FRMD3: variants seen among roughly 807,000 people sequenced by gnomAD.
FRMD3 encodes FERM domain-containing protein 3.
In FRMD3, 33 loss-of-function variants were observed where a neutral mutation model predicts 70.2. That is an observed-to-expected ratio of 0.47 (90% CI 0.36 to 0.63). The LOEUF is 0.63. FRMD3 is among the 20% of genes least tolerant of loss of function. The pLI is 0.00. For synonymous variants in FRMD3, 279 were observed against 255.9 expected, an observed-to-expected ratio of 1.09 and a Z score of -0.86; for missense variants, 632 against 711.4, an observed-to-expected ratio of 0.89 and a Z score of 1.27.
At chr9:83,378,413 G>T (rs1355591111) in intron 2 of FRMD3, among the ~76,000 whole-genome samples, 2 of 146,386 alleles carry the variant, frequency 1.4e-5, no homozygotes, top group Non-Finnish European at 3.0e-5. Context: ...GAGTATCTGG[G>T]ACTACAGGTG....
At chr9:83,568,126 A>G in the FRMD3 span, among the ~76,000 whole-genome samples, 4 of 152,354 alleles carry the variant, frequency 2.6e-5, no homozygotes, top group East Asian at 5.8e-4. Context: ...CATTTCTTAC[A>G]TGGCAGCAGC....
At chr9:83,452,299 G>A (rs563874451) in intron 1 of FRMD3, among the ~76,000 whole-genome samples, 1 of 152,284 alleles carries the variant, frequency 6.6e-6, no homozygotes, top group South Asian at 2.1e-4. Context: ...CAAGCATGGT[G>A]ATTGGGTGCT....
the FRMD3 span, among the ~76,000 whole-genome samples, chr9:83,547,081 AAC>A: frequency 6.6e-6 from 1 of 151,392 alleles, no homozygotes; most frequent in African/African-American, 2.4e-5. Flanking sequence ...TATTAGATAA[AAC>A]ACACTTTAAA....
At chr9:83,440,294 G>T (rs1254763041) in intron 1 of FRMD3, among the ~76,000 whole-genome samples, 5 of 152,210 alleles carry the variant, frequency 3.3e-5, no homozygotes, top group Non-Finnish European at 5.9e-5. Flanking sequence ...AGCTCCCCTT[G>T]TAAATACAAA....
chr9:83,275,305 T>C (rs972370676), intron 13 of FRMD3, among the ~76,000 whole-genome samples: 1 of 152,190 alleles, frequency 6.6e-6, no homozygotes, highest in Admixed American at 6.5e-5. Context: ...CAAATACCAA[T>C]GAAGAACAAA....
Position 83,304,670 on chromosome 9 carries a change from A to G in FRMD3, c.926+4866T>C, listed in dbSNP as rs910897312. 3.3e-5 allele frequency among the ~76,000 whole-genome samples: 5 copies of G among 152,238 alleles called. No individual in the cohort carries two copies. The East Asian group carries it at 9.6e-4, about 29-fold the overall frequency. On this transcript the variant is annotated intron_variant, in intron 10 of 13. Transcript: ENST00000304195. ...AACACAGTGTCATACAGCCTCAACC[A>G]TGTATCCAGTACACAGCAAAAACTG...
the FRMD3 span, among the ~76,000 whole-genome samples, chr9:83,569,581 C>T: frequency 1.7e-4 from 26 of 152,340 alleles, 1 homozygote; most frequent in South Asian, 3.1e-3. Flanking sequence ...TTGATTGCTG[C>T]TGTTTCCATT....
In FRMD3 at chr9:83,244,762, T is replaced by C. The variant is rs1832008288; in HGVS notation, c.*3156A>G. 2.0e-6 allele frequency: 2 copies of C among 985,258 alleles called. No homozygotes were observed. The highest frequency in any genetic ancestry group is 1.2e-6 in the Non-Finnish European group (1 of 829,874). The allele number at this position is 985,258 out of a possible 1,614,324, so 61.0% of individuals were successfully genotyped here. A position where few individuals can be genotyped will look rare whatever the true frequency, so the allele number is the denominator to read the frequency against. ...AGTAACATGGCCCCCATATCTCTAG[T>C]ATTTCAATGAAATAAACTCATTGTG... On this transcript the variant is annotated 3_prime_UTR_variant, in exon 14 of 14. Transcript: ENST00000304195.
intron 1 of FRMD3, among the ~76,000 whole-genome samples, chr9:83,536,946 A>AAAAAAAAAAAAAAAAAAAAAAAAC (rs1829907631): frequency 6.6e-6 from 1 of 150,774 alleles, no homozygotes; most frequent in Non-Finnish European, 1.5e-5. Context: ...AAAAAAAAAA[A>AAAAAAAAAAAAAAAAAAAAAAAAC]AAAAAAAGCT....
chr9:83,332,480 C>T (rs1823418412), intron 6 of FRMD3, among the ~76,000 whole-genome samples: 2 of 152,026 alleles, frequency 1.3e-5, no homozygotes, highest in Non-Finnish European at 2.9e-5. Context: ...AGTCTGTAGC[C>T]TCCCAGAGAG....
At chr9:83,499,004 A>T (rs138250185) in intron 1 of FRMD3, among the ~76,000 whole-genome samples, 1 of 152,150 alleles carries the variant, frequency 6.6e-6, no homozygotes, top group Non-Finnish European at 1.5e-5. Flanking sequence ...TAACGTGGCA[A>T]TATCCTTGTA....
intron 2 of FRMD3, among the ~76,000 whole-genome samples, chr9:83,378,760 TTTATATTATATATA>T (rs1564047809): frequency 0.01 from 1,215 of 116,436 alleles, 24 homozygotes; most frequent in African/African-American, 0.042. Flanking sequence ...TAATATATAA[TTTATATTATATATA>T]ATATATATTA....
At chr9:83,538,449 T>G, upstream of FRMD3, 2 of 363,596 alleles carry the variant, frequency 5.5e-6, no homozygotes, top group Non-Finnish European at 4.9e-6. The surrounding 1 kb of genome is among the most constrained non-coding windows in gnomAD (Gnocchi z 4.7). Context: ...GCCCCCTCCT[T>G]TCCCCGCCTC....
intron 1 of FRMD3, among the ~76,000 whole-genome samples, chr9:83,404,674 TTG>T (rs1826048361): frequency 6.6e-6 from 1 of 152,380 alleles, no homozygotes; most frequent in East Asian, 1.9e-4. Context: ...CGTTTTATGT[TTG>T]TGTGTATATT....
At chr9:83,372,612 T>A (rs72743099) in intron 3 of FRMD3, among the ~76,000 whole-genome samples, 26,119 of 151,926 alleles carry the variant, frequency 0.17, 2,453 homozygotes, top group African/African-American at 0.23. Context: ...ACCAGGTACC[T>A]GGTGGCTGTG....
chr9:83,579,063 G>A, the FRMD3 span, among the ~76,000 whole-genome samples: 2 of 151,584 alleles, frequency 1.3e-5, no homozygotes, highest in African/African-American at 4.8e-5. Context: ...ATTTACAATA[G>A]TAACAAGAAA....
chr9:83,277,766 T>C (rs542024418), intron 13 of FRMD3, among the ~76,000 whole-genome samples: 1 of 152,364 alleles, frequency 6.6e-6, no homozygotes, highest in Non-Finnish European at 1.5e-5. Context: ...CTTTCTTTTA[T>C]ATAAATAAAT....
At chr9:83,267,367 A>C (rs554290136) in intron 13 of FRMD3, 1 of 1,296,184 alleles carries the variant, frequency 7.7e-7, no homozygotes, top group Admixed American at 3.0e-5. Context: ...CAAACAATGA[A>C]AGATTATGCA....
chr9:83,472,194 G>C (rs976363307), intron 1 of FRMD3, among the ~76,000 whole-genome samples: 1 of 152,150 alleles, frequency 6.6e-6, no homozygotes, highest in Non-Finnish European at 1.5e-5. Flanking sequence ...AATAAGTATA[G>C]GAAAAGCTGG....
Sources: gnomAD v4.1 joint callset for allele counts (sites outside exome capture counted in the v4.1 genomes callset) on GRCh38, gnomAD v4.1.1 for gene constraint, Gnocchi (gnomAD v3.1) non-coding constraint, MANE v1.5 for transcripts, NCBI Gene and HGNC (gene_info 2026-07-23, HGNC 2026-07-21) for gene names.